The following PBRM1 variants were observed in gnomAD, a reference collection of about 807,000 sequenced individuals.
The protein encoded by PBRM1 is protein polybromo-1.
PBRM1 carries 27 observed loss-of-function variants against 194.5 expected under a neutral mutation model. The ratio of observed to expected loss-of-function variants is 0.14; its 90% CI spans 0.10 to 0.19. PBRM1 has a LOEUF of 0.19. Ranked by LOEUF, PBRM1 falls within the 10% of genes least tolerant of loss-of-function variation. PBRM1 has a pLI of 1.00. For missense variants in PBRM1, 1,466 were observed against 2,077.2 expected (o/e 0.71, Z 5.72); for synonymous variants, 655 against 693.2 (o/e 0.94, Z 0.87).
chr3:52,608,814 T>C (rs2094474290), intron 16 of PBRM1, among the ~76,000 whole-genome samples: 1 of 151,628 alleles, frequency 6.6e-6, no homozygotes, highest in Non-Finnish European at 1.5e-5. Flanking sequence ...GAACATTTAA[T>C]GTCTTCAGCA....
At chr3:52,568,031 C>T (rs1430388285) in intron 22 of PBRM1, among the ~76,000 whole-genome samples, 4 of 151,776 alleles carry the variant, frequency 2.6e-5, no homozygotes, top group Admixed American at 2.0e-4. Context: ...CAGGTTGGAG[C>T]GCAGTGGTGC....
intron 18 of PBRM1, among the ~76,000 whole-genome samples, chr3:52,587,885 T>TC (rs1335725109): frequency 6.6e-6 from 1 of 151,748 alleles, no homozygotes; most frequent in Non-Finnish European, 1.5e-5. Context: ...ATGCTACTTT[T>TC]CCCCCCTCAT....
At position 52,649,040 on chromosome 3, in the gene PBRM1, T is replaced by TG. The variant is rs1462861666; in HGVS notation, c.715-599dup. Among the ~76,000 whole-genome samples the TG allele has an allele frequency of 4.0e-5, 6 of 151,874 alleles. No homozygotes were observed. In the South Asian group the frequency reaches 1.2e-3, roughly 32 times the overall value. ...GCACACATGACTAATGGTAAGTACA[T>TG]GGAAATGAAAAAGACATGGTCTAGA... is the stretch of plus-strand genomic sequence containing the variant. On this transcript the variant is annotated intron_variant, in intron 6 of 29. Coordinates refer to ENST00000296302, the Ensembl canonical transcript of PBRM1.
intron 5 of PBRM1, among the ~76,000 whole-genome samples, chr3:52,652,706 A>C (rs1462103699): frequency 1.4e-5 from 2 of 147,580 alleles, no homozygotes; most frequent in Admixed American, 6.8e-5. Context: ...AAAATAAATA[A>C]TCTAAATTCG....
chr3:52,589,102 A>G (rs1379809767), exon 18 of PBRM1: 1 of 1,613,834 alleles, frequency 6.2e-7, no homozygotes, highest in South Asian at 1.1e-5. Flanking sequence ...TTCAATACAG[A>G]CGATATGTGG....
At chr3:52,557,435 G>C (rs915326260) in intron 26 of PBRM1, among the ~76,000 whole-genome samples, 33 of 152,296 alleles carry the variant, frequency 2.2e-4, no homozygotes, top group Non-Finnish European at 4.0e-4. Flanking sequence ...AAGAAACACA[G>C]GTGGCTTGTA....
chr3:52,629,139 T>C, intron 11 of PBRM1, 104 bp from the exon 13 acceptor site: 1 of 806,754 alleles, frequency 1.2e-6, no homozygotes, highest in Non-Finnish European at 2.0e-6. Context: ...CATGGTATCT[T>C]TACTGGTAAT....
chr3:52,552,167 C>T (rs1360839810), intron 27 of PBRM1, among the ~76,000 whole-genome samples: 2 of 152,146 alleles, frequency 1.3e-5, no homozygotes, highest in African/African-American at 4.8e-5. Context: ...TATTATTAAC[C>T]TCTGTGCCCA....
intron 20 of PBRM1, among the ~76,000 whole-genome samples, chr3:52,579,413 T>C (rs981203575): frequency 2.0e-5 from 3 of 152,082 alleles, no homozygotes; most frequent in African/African-American, 7.2e-5. Context: ...TAGTGAGACC[T>C]TGTCTCAACT....
At chr3:52,618,591 G>GTTTTTT (rs67103558) in intron 13 of PBRM1, among the ~76,000 whole-genome samples, 1 of 123,488 alleles carries the variant, frequency 8.1e-6, no homozygotes, top group Admixed American at 8.9e-5. Flanking sequence ...TTATGACTTA[G>GTTTTTT]TTTTTTTTTT....
chr3:52,654,142 T>C (rs1434111936), intron 5 of PBRM1, among the ~76,000 whole-genome samples: 4 of 152,186 alleles, frequency 2.6e-5, no homozygotes, highest in African/African-American at 9.7e-5. Context: ...GGAAGTCAGA[T>C]TGTGCTCTCC....
chr3:52,560,777 C>A (rs146394536), intron 25 of PBRM1: 1 of 152,106 alleles, frequency 6.6e-6, no homozygotes, highest in East Asian at 1.9e-4. Context: ...CTTGGGGAAG[C>A]CTGTCAGATA....
At chr3:52,569,449 A>T (rs1378920437) in intron 22 of PBRM1, among the ~76,000 whole-genome samples, 1 of 152,104 alleles carries the variant, frequency 6.6e-6, no homozygotes, top group Admixed American at 6.6e-5. Context: ...TGACCTCGTG[A>T]TCCGCCCGCC....
intron 10 of PBRM1, 58 bp downstream of exon 11, chr3:52,641,896 C>T: frequency 9.7e-7 from 1 of 1,029,182 alleles, no homozygotes; most frequent in Non-Finnish European, 1.5e-6. Flanking sequence ...ACTGCAATTT[C>T]ATTTAGCTAG....
At chr3:52,562,345 T>A (rs185923179) in intron 24 of PBRM1, among the ~76,000 whole-genome samples, 22 of 146,938 alleles carry the variant, frequency 1.5e-4, no homozygotes, top group African/African-American at 5.2e-4. Flanking sequence ...AAAAAAAAAA[T>A]TTTTCAGAAG....
At chr3:52,669,656 T>A (rs1319176001) in intron 2 of PBRM1, among the ~76,000 whole-genome samples, 1 of 152,224 alleles carries the variant, frequency 6.6e-6, no homozygotes, top group Non-Finnish European at 1.5e-5. Context: ...GCTGACAGGT[T>A]ATAGCCATTC....
At chr3:52,682,599 T>C (rs1416008332), upstream of PBRM1, among the ~76,000 whole-genome samples, 1 of 152,194 alleles carries the variant, frequency 6.6e-6, no homozygotes, top group African/African-American at 2.4e-5. Flanking sequence ...ATGGGACACA[T>C]TTTAAAATGT....
At chr3:52,681,681 A>T (rs1350448095), upstream of PBRM1, 3 of 1,003,026 alleles carry the variant, frequency 3.0e-6, no homozygotes, top group Admixed American at 6.0e-5. Context: ...GGGTGTAGAT[A>T]ATCAGTAATT....
chr3:52,571,999 T>C (rs1000399214), intron 22 of PBRM1, among the ~76,000 whole-genome samples: 14 of 151,754 alleles, frequency 9.2e-5, no homozygotes, highest in African/African-American at 3.1e-4. Flanking sequence ...GATTGTACCA[T>C]TGCACTCCAG....
Sources: gnomAD v4.1 joint callset for allele counts (sites outside exome capture counted in the v4.1 genomes callset) on GRCh38, gnomAD v4.1.1 for gene constraint, MANE v1.5 for transcripts, NCBI Gene and HGNC (gene_info 2026-07-23, HGNC 2026-07-21) for gene names.